Variants in ARB2A observed in about 807,000 individuals in gnomAD.
The protein encoded by ARB2A is cotranscriptional regulator ARB2A.
chr5:93,852,416 C>G, the ARB2A span, among the ~76,000 whole-genome samples: 1 of 152,144 alleles, frequency 6.6e-6, no homozygotes, highest in East Asian at 1.9e-4. Context: ...CCTGTTCACT[C>G]TGATGGTAGT....
chr5:93,620,451 T>C, the ARB2A span: 2 of 151,534 alleles, frequency 1.3e-5, no homozygotes, highest in Non-Finnish European at 2.9e-5. Context: ...AAATCGGCTT[T>C]GGAGTGTGTG....
At chr5:93,799,080 A>C in the ARB2A span, among the ~76,000 whole-genome samples, 1 of 152,100 alleles carries the variant, frequency 6.6e-6, no homozygotes, top group Non-Finnish European at 1.5e-5. Flanking sequence ...AAATTATGTC[A>C]AATTATTCAA....
chr5:93,655,254 C>CT, the ARB2A span, among the ~76,000 whole-genome samples: 1 of 152,144 alleles, frequency 6.6e-6, no homozygotes, highest in East Asian at 1.9e-4. Context: ...TAGATTATCT[C>CT]TAAGAGCTTG....
At chr5:93,649,018 AG>A in the ARB2A span, among the ~76,000 whole-genome samples, 1 of 152,214 alleles carries the variant, frequency 6.6e-6, no homozygotes, top group Non-Finnish European at 1.5e-5. Flanking sequence ...TGTTTGTTAC[AG>A]AAAAAAGTAG....
the ARB2A span, among the ~76,000 whole-genome samples, chr5:93,842,127 G>A: frequency 3.3e-5 from 5 of 152,292 alleles, no homozygotes; most frequent in African/African-American, 9.6e-5. Flanking sequence ...TTAGAATGGA[G>A]GTCAGTGGTC....
chr5:93,930,255 C>T, the ARB2A span, among the ~76,000 whole-genome samples: 170 of 152,200 alleles, frequency 1.1e-3, no homozygotes, highest in African/African-American at 3.9e-3. Flanking sequence ...AGCATTTATA[C>T]GAGAGTCTGT....
the ARB2A span, among the ~76,000 whole-genome samples, chr5:93,664,625 C>T: frequency 1.1e-3 from 166 of 147,252 alleles, 1 homozygote; most frequent in Non-Finnish European, 2.0e-3. Flanking sequence ...AGCGAGACTT[C>T]GTCTCAAAAA....
the ARB2A span, among the ~76,000 whole-genome samples, chr5:93,766,993 A>C: frequency 6.8e-6 from 1 of 146,958 alleles, no homozygotes; most frequent in African/African-American, 2.5e-5. Context: ...GAACAATGAG[A>C]ACACATGGAC....
At chr5:93,777,182 T>G in the ARB2A span, among the ~76,000 whole-genome samples, 2 of 149,786 alleles carry the variant, frequency 1.3e-5, no homozygotes, top group East Asian at 4.0e-4. Context: ...GGGGCAGGGA[T>G]AGCATTGGGA....
the ARB2A span, among the ~76,000 whole-genome samples, chr5:93,814,218 T>A: frequency 1.6e-4 from 24 of 152,182 alleles, no homozygotes; most frequent in Non-Finnish European, 3.1e-4. Flanking sequence ...TATAAATAAA[T>A]CTACAATCAA....
the ARB2A span, among the ~76,000 whole-genome samples, chr5:93,882,145 C>T: frequency 6.6e-6 from 1 of 151,236 alleles, no homozygotes; most frequent in Admixed American, 6.6e-5. Context: ...CTTTCAAGAG[C>T]ATTTTTTATT....
the ARB2A span, among the ~76,000 whole-genome samples, chr5:93,656,357 C>T: frequency 6.6e-6 from 1 of 152,104 alleles, no homozygotes; most frequent in Admixed American, 6.5e-5. Context: ...CTGCTATAAG[C>T]CTGTTATTCT....
the ARB2A span, among the ~76,000 whole-genome samples, chr5:94,039,409 G>C: frequency 6.6e-6 from 1 of 152,266 alleles, no homozygotes; most frequent in African/African-American, 2.4e-5. Flanking sequence ...ATGCCCATGA[G>C]AGTAACCTCT....
chr5:93,627,443 G>GC, the ARB2A span, among the ~76,000 whole-genome samples: 5 of 130,530 alleles, frequency 3.8e-5, no homozygotes, highest in Non-Finnish European at 8.3e-5. Context: ...AATGTGTTTT[G>GC]TTTTTTTTTT....
the ARB2A span, among the ~76,000 whole-genome samples, chr5:93,977,344 T>A: frequency 1.3e-5 from 2 of 152,158 alleles, no homozygotes; most frequent in African/African-American, 4.8e-5. Context: ...GCTGGAAGCA[T>A]CACATTACCT....
the ARB2A span, among the ~76,000 whole-genome samples, chr5:94,041,094 GTCTC>G: frequency 7.4e-5 from 11 of 148,162 alleles, no homozygotes; most frequent in East Asian, 2.0e-4. Context: ...GTCTCTCTCG[GTCTC>G]TCTCTCTCTC....
At chr5:93,931,386 C>G in the ARB2A span, among the ~76,000 whole-genome samples, 1 of 152,122 alleles carries the variant, frequency 6.6e-6, no homozygotes, top group East Asian at 1.9e-4. Context: ...ATCACTTGAA[C>G]CCAGGAGGCG....
the ARB2A span, among the ~76,000 whole-genome samples, chr5:93,888,721 C>T: frequency 1.3e-5 from 2 of 151,842 alleles, no homozygotes; most frequent in South Asian, 2.1e-4. Flanking sequence ...GATTACAGTA[C>T]CCAAATTATT....
At chr5:93,831,571 A>G in the ARB2A span, among the ~76,000 whole-genome samples, 1 of 152,202 alleles carries the variant, frequency 6.6e-6, no homozygotes, top group African/African-American at 2.4e-5. Flanking sequence ...AGTAATCCAC[A>G]TATGTGAGAT....
Sources: gnomAD v4.1 joint callset for allele counts (sites outside exome capture counted in the v4.1 genomes callset) on GRCh38, gnomAD v4.1.1 for gene constraint, MANE v1.5 for transcripts, NCBI Gene and HGNC (gene_info 2026-07-23, HGNC 2026-07-21) for gene names.